PTPRD: variants seen among roughly 807,000 people sequenced by gnomAD.
PTPRD encodes receptor-type tyrosine-protein phosphatase delta.
In PTPRD, 34 loss-of-function variants were observed where a neutral mutation model predicts 214.5. The observed-to-expected ratio is 0.16, with a 90% CI of 0.12 to 0.21. PTPRD has a LOEUF of 0.21. PTPRD is among the 10% of genes least tolerant of loss of function. The pLI, the probability that PTPRD is intolerant of heterozygous loss-of-function variation, is 1.00. For synonymous variants in PTPRD, 1,128 were observed against 845.7 expected (o/e 1.33, Z -5.79); for missense variants, 2,545 against 2,398.7 (o/e 1.06, Z -1.27).
chr9:10,079,520 C>A (rs1200594584), intron 3 of PTPRD, among the ~76,000 whole-genome samples: 2 of 152,170 alleles, frequency 1.3e-5, no homozygotes, highest in Admixed American at 1.3e-4. Context: ...TCTTTTTCAC[C>A]ATGCCACTGC....
Position 8,763,897 on chromosome 9 carries a change from C to T in PTPRD, c.-103-29951G>A, listed in dbSNP as rs188176421. Among the ~76,000 whole-genome samples, 292 of 152,190 alleles carry T rather than the reference C, an allele frequency of 1.9e-3. 1 individual carries two copies. The highest frequency in any genetic ancestry group is 3.4e-3 in the Middle Eastern group (1 of 294). The stretch of plus-strand genomic sequence containing the variant: ...TTAAAAATTCTCTCTCATTAGCTTA[C>T]TAAATATGGTAAATTCAAGACAAGA... On this transcript the variant is annotated intron_variant, in intron 11 of 45. Coordinates refer to ENST00000381196, the MANE Select transcript of PTPRD (RefSeq NM_002839.4).
chr9:10,154,313 G>A (rs1022907945), intron 3 of PTPRD, among the ~76,000 whole-genome samples: 2 of 151,736 alleles, frequency 1.3e-5, no homozygotes, highest in African/African-American at 4.8e-5. Context: ...CTTTTTAATG[G>A]GGTTGTTTTC....
At chr9:10,181,476 C>G (rs73641867) in intron 3 of PTPRD, among the ~76,000 whole-genome samples, 15,224 of 151,848 alleles carry the variant, frequency 0.1, 1,156 homozygotes, top group African/African-American at 0.2. Flanking sequence ...ACTTCTAAAC[C>G]TGTTTTAAGA....
At chr9:9,318,193 AC>A (rs1294348625) in intron 9 of PTPRD, among the ~76,000 whole-genome samples, 1 of 150,668 alleles carries the variant, frequency 6.6e-6, no homozygotes, top group African/African-American at 2.4e-5. Flanking sequence ...AAAAAACAAA[AC>A]AAACAAACAA....
At chr9:8,923,464 G>A (rs759333821) in intron 11 of PTPRD, among the ~76,000 whole-genome samples, 1 of 151,892 alleles carries the variant, frequency 6.6e-6, no homozygotes, top group Non-Finnish European at 1.5e-5. Flanking sequence ...CCTGTGGCCC[G>A]TGGTCCAAAC....
chr9:9,004,843 G>A (rs2099451134), intron 11 of PTPRD, among the ~76,000 whole-genome samples: 1 of 152,016 alleles, frequency 6.6e-6, no homozygotes, highest in African/African-American at 2.4e-5. Context: ...AAACACGTGT[G>A]TATAGGAAAA....
intron 14 of PTPRD, among the ~76,000 whole-genome samples, chr9:8,561,984 G>C (rs1318678028): frequency 6.6e-6 from 1 of 152,066 alleles, no homozygotes; most frequent in Non-Finnish European, 1.5e-5. Context: ...AGTTTAAAAA[G>C]ATGTTTCCTA....
rs535010524 is a variant in PTPRD at position 9,858,711 on chromosome 9, TA to T, written c.-368+79795del. On this transcript the variant is annotated intron_variant, in intron 5 of 45. Coordinates refer to ENST00000381196, the MANE Select transcript of PTPRD (RefSeq NM_002839.4). ...GAATGATATAATGAAAAATGTATTC[TA>T]AAAATCTAGTTAGTATAATCTTATT... Among the ~76,000 whole-genome samples, 703 of 152,302 alleles carry T rather than the reference TA, an allele frequency of 4.6e-3. 4 individuals are homozygous for T. Among genetic ancestry groups the T allele is most frequent in the African/African-American group, 0.015 (644 of 41,560 alleles).
intron 7 of PTPRD, among the ~76,000 whole-genome samples, chr9:9,589,734 A>G (rs1007468494): frequency 2.0e-5 from 3 of 152,184 alleles, no homozygotes; most frequent in South Asian, 4.1e-4. Flanking sequence ...AAAAAAAGTT[A>G]AATTATTCCA....
chr9:9,727,284 T>C (rs575567834), intron 7 of PTPRD, among the ~76,000 whole-genome samples: 6 of 152,140 alleles, frequency 3.9e-5, no homozygotes, highest in Admixed American at 3.3e-4. Flanking sequence ...ACCCCATTTC[T>C]ACTAAAAATA....
chr9:9,779,078 C>CAAAAAAAAAAAAAAAAAAAAAAAAAAA lies in PTPRD; in HGVS notation c.-367-12228_-367-12227insTTTTTTTTTTTTTTTTTTTTTTTTTTT, dbSNP rs869120926. Among the ~76,000 whole-genome samples, 40 of 45,484 alleles carry CAAAAAAAAAAAAAAAAAAAAAAAAAAA rather than the reference C, an allele frequency of 8.8e-4. 8 individuals are homozygous for CAAAAAAAAAAAAAAAAAAAAAAAAAAA. The highest frequency in any genetic ancestry group is 1.2e-3 in the Non-Finnish European group (30 of 24,724). 29.8% of individuals were successfully genotyped at this position (45,484 alleles called of 152,430 possible). On this transcript the variant is annotated intron_variant, in intron 5 of 45. Transcript: ENST00000381196. Reference sequence around the variant, plus strand: ...GCCATGTGATCTTTCATAAGACTGACAAAAAAAAAAAAAAAAAAAAAAAAA... The same window carrying CAAAAAAAAAAAAAAAAAAAAAAAAAAA: ...GCCATGTGATCTTTCATAAGACTGACAAAAAAAAAAAAAAAAAAAAAAAAAAAAAAAAAAAAAAAAAAAAAAAAAAAA...
chr9:9,459,286 C>T (rs1017693632), intron 8 of PTPRD, among the ~76,000 whole-genome samples: 1 of 151,970 alleles, frequency 6.6e-6, no homozygotes, highest in East Asian at 1.9e-4. Flanking sequence ...CCACTAAGAA[C>T]AGAAACAAGA....
intron 3 of PTPRD, among the ~76,000 whole-genome samples, chr9:10,208,465 G>C (rs2099496985): frequency 6.6e-6 from 1 of 152,228 alleles, no homozygotes; most frequent in Admixed American, 6.5e-5. Flanking sequence ...AGTGAACGGA[G>C]ATCGCGCCAC....
intron 8 of PTPRD, among the ~76,000 whole-genome samples, chr9:9,506,880 C>T (rs1218903646): frequency 6.6e-6 from 1 of 151,266 alleles, no homozygotes; most frequent in Non-Finnish European, 1.5e-5. Context: ...GGTTAACAAA[C>T]AGCAAAATTT....
intron 21 of PTPRD, among the ~76,000 whole-genome samples, chr9:8,516,958 C>T (rs1448046048): frequency 6.6e-6 from 1 of 151,722 alleles, no homozygotes; most frequent in Non-Finnish European, 1.5e-5. Context: ...ATTACAGGTG[C>T]CTGCTACCAT....
chr9:9,211,641 G>C (rs1405519560), intron 9 of PTPRD, among the ~76,000 whole-genome samples: 2 of 151,862 alleles, frequency 1.3e-5, no homozygotes, highest in Admixed American at 6.6e-5. Context: ...ATATACCAAA[G>C]AGCCTTAATA....
intron 9 of PTPRD, among the ~76,000 whole-genome samples, chr9:9,183,881 T>C (rs1012611852): frequency 2.6e-5 from 4 of 152,002 alleles, no homozygotes; most frequent in Admixed American, 1.3e-4. Context: ...TTCCATCTTA[T>C]AAGCATTACA....
chr9:10,210,501 G>T lies in PTPRD; in HGVS notation c.-545+130462C>A, dbSNP rs118186173. Among the ~76,000 whole-genome samples the T allele has an allele frequency of 6.9e-3, 1,042 of 151,882 alleles. 29 individuals are homozygous for T. The highest frequency in any genetic ancestry group is 0.046 in the Admixed American group (693 of 15,210). The stretch of plus-strand genomic sequence containing the variant: ...CAATATTTTGTAGCTCTTGGGGTAT[G>T]GGAAAGAATGCCAAGGAGGGGGGGC... On this transcript the variant is annotated intron_variant, in intron 3 of 45. Coordinates refer to ENST00000381196, the MANE Select transcript of PTPRD (RefSeq NM_002839.4).
intron 11 of PTPRD, among the ~76,000 whole-genome samples, chr9:8,866,096 T>C (rs1053253109): frequency 1.3e-5 from 2 of 152,166 alleles, no homozygotes; most frequent in African/African-American, 4.8e-5. Flanking sequence ...TATAGGAACA[T>C]ATATTACTGG....
Sources: gnomAD v4.1 joint callset for allele counts (sites outside exome capture counted in the v4.1 genomes callset) on GRCh38, gnomAD v4.1.1 for gene constraint, MANE v1.5 for transcripts, NCBI Gene and HGNC (gene_info 2026-07-23, HGNC 2026-07-21) for gene names.